PCYT1B: variants seen among roughly 807,000 people sequenced by gnomAD.
PCYT1B encodes the protein phosphate cytidylyltransferase 1B, choline, also known as choline-phosphate cytidylyltransferase B.
Under a neutral mutation model 26.4 loss-of-function variants are expected in PCYT1B, and 10 were observed. The ratio of observed to expected loss-of-function variants is 0.38; its 90% CI spans 0.23 to 0.64. The LOEUF is 0.64. Among genes scored for constraint, PCYT1B ranks in the 30% least tolerant of loss-of-function variants. The probability of loss-of-function intolerance (pLI) is 0.56; values close to 1 mark genes in which losing one functional copy is unlikely to be tolerated. For synonymous variants in PCYT1B, 131 were observed against 108.4 expected, an observed-to-expected ratio of 1.21 and a Z score of -1.29; for missense variants, 161 against 292.7, an observed-to-expected ratio of 0.55 and a Z score of 3.28.
At chrX:24,624,130 C>T (rs1425363646) in intron 1 of PCYT1B, among the ~76,000 whole-genome samples, 4 of 109,958 alleles carry the variant, frequency 3.6e-5, no homozygotes, top group Non-Finnish European at 5.7e-5. Context: ...CCACCACACC[C>T]GGCTAATTTT....
intron 7 of PCYT1B, among the ~76,000 whole-genome samples, chrX:24,573,607 A>T (rs770932552): frequency 2.8e-4 from 31 of 111,434 alleles, no homozygotes; most frequent in Non-Finnish European, 4.7e-4. Flanking sequence ...CCTGGAAATT[A>T]GTTGTGAAAA....
Position 24,559,271 on chromosome X carries a change from T to A in PCYT1B, c.*3022A>T. ...GGTGGAGGCTGCAGTGAGCCGAGAT[T>A]GTGCCATTGCACTCCAGCCTGAGCA... On this transcript the variant is annotated 3_prime_UTR_variant, in exon 8 of 8. Transcript: ENST00000379144. 9.6e-6 allele frequency: 1 copy of A among 103,693 alleles called. No individual in the cohort carries two copies. Among genetic ancestry groups the A allele is most frequent in the East Asian group, 2.9e-4 (1 of 3,391 alleles). The allele number at this position is 103,693 out of a possible 1,213,427, so 8.5% of individuals were successfully genotyped here. A position where few individuals can be genotyped will look rare whatever the true frequency, so the allele number is the denominator to read the frequency against.
At chrX:24,621,752 A>C (rs1454611153) in intron 1 of PCYT1B, 2 of 268,957 alleles carry the variant, frequency 7.4e-6, no homozygotes, top group Non-Finnish European at 1.0e-5. Context: ...TATGTGGGCA[A>C]TGAACCTTTT....
chrX:24,636,946 A>T (rs1260610081), intron 1 of PCYT1B, among the ~76,000 whole-genome samples: 1 of 111,071 alleles, frequency 9.0e-6, no homozygotes, highest in East Asian at 2.8e-4. Flanking sequence ...TTTTTAATCC[A>T]TTCTGCTTCT....
chrX:24,651,195 C>T (rs774315584), upstream of PCYT1B, among the ~76,000 whole-genome samples: 2 of 109,551 alleles, frequency 1.8e-5, no homozygotes, highest in Admixed American at 9.9e-5. Flanking sequence ...CGGTGGCTCA[C>T]GCCTGTAATC....
intron 3 of PCYT1B, among the ~76,000 whole-genome samples, chrX:24,599,033 C>A (rs1372394869): frequency 2.7e-5 from 3 of 111,549 alleles, no homozygotes; most frequent in Admixed American, 1.9e-4. Flanking sequence ...TTCCATTTCC[C>A]AAATCCTTTC....
At chrX:24,586,620 A>G (rs1924379369) in intron 5 of PCYT1B, among the ~76,000 whole-genome samples, 1 of 112,316 alleles carries the variant, frequency 8.9e-6, no homozygotes, top group Non-Finnish European at 1.9e-5. Flanking sequence ...CACCTGCCAG[A>G]TTATGGTTTA....
chrX:24,595,852 G>A (rs1924759121), intron 3 of PCYT1B, among the ~76,000 whole-genome samples: 1 of 105,452 alleles, frequency 9.5e-6, no homozygotes, highest in African/African-American at 3.5e-5. Context: ...CTGCACTTCA[G>A]TCTGGGCGAG....
intron 2 of PCYT1B, among the ~76,000 whole-genome samples, chrX:24,608,426 A>G (rs1047444342): frequency 4.5e-5 from 5 of 111,905 alleles, no homozygotes; most frequent in Non-Finnish European, 7.5e-5. Context: ...ATTTCCCGCT[A>G]GAGGACCAGC....
upstream of PCYT1B, among the ~76,000 whole-genome samples, chrX:24,651,048 C>T (rs140978359): frequency 5.3e-4 from 59 of 111,580 alleles, no homozygotes; most frequent in East Asian, 0.017. Context: ...GTCATATGTA[C>T]ATGCACAGAA....
intron 5 of PCYT1B, among the ~76,000 whole-genome samples, chrX:24,583,354 G>A (rs1473515912): frequency 9.0e-6 from 1 of 111,442 alleles, no homozygotes; most frequent in African/African-American, 3.3e-5. Context: ...TACCACCTGG[G>A]AGCCCCAGCC....
chrX:24,576,177 A>G (rs1924005334), intron 6 of PCYT1B, among the ~76,000 whole-genome samples: 1 of 112,548 alleles, frequency 8.9e-6, no homozygotes, highest in South Asian at 3.7e-4. Flanking sequence ...GTGTTACCTG[A>G]TGAGAGCAGT....
chrX:24,585,973 C>A (rs1293909822), intron 5 of PCYT1B, among the ~76,000 whole-genome samples: 2 of 110,927 alleles, frequency 1.8e-5, no homozygotes, highest in African/African-American at 6.6e-5. Context: ...TGCCAGTCTC[C>A]ATCTCTGCCT....
At chrX:24,573,133 TACACACACACACAC>T (rs768268080) in intron 7 of PCYT1B, among the ~76,000 whole-genome samples, 2 of 93,231 alleles carry the variant, frequency 2.1e-5, no homozygotes, top group African/African-American at 8.0e-5. Flanking sequence ...TACACACACA[TACACACACACACAC>T]ACACACACAC....
intron 3 of PCYT1B, among the ~76,000 whole-genome samples, chrX:24,593,511 T>TTTTCTTTTCTTTC (rs1569242799): frequency 1.2e-5 from 1 of 84,557 alleles, no homozygotes; most frequent in African/African-American, 4.9e-5. Flanking sequence ...TTTTCTTTTC[T>TTTTCTTTTCTTTC]TTTCTTTCTT....
rs778145549 is a variant in PCYT1B, at chrX:24,662,165, T to C, written c.63+10405A>G. Among the ~76,000 whole-genome samples, 57 of 72,909 alleles carry C rather than the reference T, an allele frequency of 7.8e-4. No individual in the cohort carries two copies. In the South Asian group the frequency reaches 0.035, roughly 44 times the overall value. The allele number at this position is 72,909 out of a possible 115,157, so 63.3% of individuals were successfully genotyped here. A position where few individuals can be genotyped will look rare whatever the true frequency, so the allele number is the denominator to read the frequency against. On this transcript the variant is annotated intron_variant, in intron 1 of 7. Coordinates refer to the PCYT1B transcript ENST00000379145. ...GCCTGGGCAACAGAGTGAGACTGTC[T>C]CAAAAACAAACAAACAAACAAACAA...
rs893930207 is a variant in PCYT1B, at chrX:24,614,161, G to A, written c.217+4824C>T. On this transcript the variant is annotated intron_variant, in intron 2 of 7. Transcript: ENST00000379144. ...AGCTGGACTAGCTAAGACCAAAGGTGCCGATTCTGATTGCTTTTTTGATTT... is the reference window on the plus strand; with the variant it reads ...AGCTGGACTAGCTAAGACCAAAGGTACCGATTCTGATTGCTTTTTTGATTT... Among the ~76,000 whole-genome samples the A allele has an allele frequency of 3.6e-5, 4 of 110,856 alleles. No individual in the cohort carries two copies. The East Asian group carries it at 1.1e-3, about 31-fold the overall frequency.
chrX:24,665,073 T>C lies in PCYT1B; in HGVS notation c.63+7497A>G, dbSNP rs1028694867. Among the ~76,000 whole-genome samples the C allele has an allele frequency of 2.7e-5, 3 of 112,074 alleles. No individual in the cohort carries two copies. The Admixed American group carries it at 2.8e-4, about 11-fold the overall frequency. ...TTCCATATTCAAAGTGTTTTGAAGA[T>C]ATCTTAAGTTTTCACTCAATTTAGA... On this transcript the variant is annotated intron_variant, in intron 1 of 7. Transcript: ENST00000379145.
chrX:24,606,339 A>G (rs1365415005), intron 3 of PCYT1B, among the ~76,000 whole-genome samples: 1 of 111,740 alleles, frequency 8.9e-6, no homozygotes, highest in Non-Finnish European at 1.9e-5. Context: ...CCAGGGCCCC[A>G]GTAGCCTAGG....
Sources: allele counts gnomAD v4.1 joint callset (sites outside exome capture counted in the v4.1 genomes callset), GRCh38; gene constraint gnomAD v4.1.1; transcripts MANE v1.5; gene names NCBI Gene and HGNC (gene_info 2026-07-23, HGNC 2026-07-21).